TANC2: variants seen among roughly 807,000 people sequenced by gnomAD.
TANC2 encodes protein TANC2.
TANC2 carries 26 observed loss-of-function variants against 210.5 expected under a neutral mutation model. The observed-to-expected ratio is 0.12, with a 90% CI of 0.09 to 0.17. The LOEUF is 0.17. TANC2 is among the 10% of genes least tolerant of loss of function. The pLI is 1.00. For missense variants in TANC2, 2,129 were observed against 2,608.9 expected, an observed-to-expected ratio of 0.82 and a Z score of 4.01; for synonymous variants, 931 against 967.1, an observed-to-expected ratio of 0.96 and a Z score of 0.69.
intron 18 of TANC2, 170 bp downstream of exon 18, chr17:63,396,098 C>A: frequency 1.6e-6 from 1 of 625,812 alleles, no homozygotes; most frequent in Non-Finnish European, 2.7e-6. Flanking sequence ...TACTCAAATG[C>A]CAAAGTCCCT....
chr17:63,063,541 T>C (rs1008025487), intron 2 of TANC2, among the ~76,000 whole-genome samples: 2 of 90,874 alleles, frequency 2.2e-5, no homozygotes, highest in African/African-American at 1.6e-4. Flanking sequence ...CGTGTGTGTG[T>C]GTGTGTGTGT....
chr17:62,970,912 TATAAA>T (rs1437432999), intron 1 of TANC2, among the ~76,000 whole-genome samples: 1 of 152,192 alleles, frequency 6.6e-6, no homozygotes, highest in East Asian at 1.9e-4. Flanking sequence ...CACCAAATAT[TATAAA>T]ATAGTTTGGA....
chr17:63,046,263 G>A (rs1379401604), intron 2 of TANC2, among the ~76,000 whole-genome samples: 3 of 146,414 alleles, frequency 2.0e-5, no homozygotes, highest in Non-Finnish European at 4.5e-5. Flanking sequence ...GGGTTTAAGC[G>A]ATTCTCCTGC....
intron 1 of TANC2, among the ~76,000 whole-genome samples, chr17:62,974,721 A>G (rs1254119433): frequency 6.6e-6 from 1 of 152,226 alleles, no homozygotes; most frequent in East Asian, 1.9e-4. Flanking sequence ...CATATGTACC[A>G]TACTATTAAT....
At chr17:63,131,148 C>G (rs1262720655) in intron 4 of TANC2, among the ~76,000 whole-genome samples, 2 of 152,182 alleles carry the variant, frequency 1.3e-5, no homozygotes, top group Non-Finnish European at 2.9e-5. Context: ...AAGCAAATTA[C>G]TGTGGACTGT....
chr17:62,984,779 C>A (rs1001774695), intron 1 of TANC2, among the ~76,000 whole-genome samples: 2 of 151,900 alleles, frequency 1.3e-5, no homozygotes, highest in Non-Finnish European at 1.5e-5. Context: ...GAATGTTGCT[C>A]TTGTAATTTT....
chr17:63,416,189 AG>A (rs1490123684), intron 26 of TANC2, among the ~76,000 whole-genome samples: 1 of 152,024 alleles, frequency 6.6e-6, no homozygotes, highest in Non-Finnish European at 1.5e-5. Context: ...TTCTTGTCCT[AG>A]GGGGAATCTC....
intron 6 of TANC2, 116 bp downstream of exon 6, chr17:63,194,255 A>C: frequency 9.2e-7 from 1 of 1,083,204 alleles, no homozygotes; most frequent in South Asian, 2.1e-5. Flanking sequence ...ACTTTCCATA[A>C]TCACTATTAT....
At chr17:63,424,328 G>A (rs1167851654) in exon 28 of TANC2, 2 of 152,236 alleles carry the variant, frequency 1.3e-5, no homozygotes, top group Admixed American at 6.5e-5. Flanking sequence ...TCATAAGAGG[G>A]AGTAGGTATC....
intron 9 of TANC2, among the ~76,000 whole-genome samples, chr17:63,275,390 C>A (rs75491302): frequency 6.6e-6 from 1 of 152,004 alleles, no homozygotes; most frequent in East Asian, 1.9e-4. Flanking sequence ...TGAAATTGGC[C>A]CTGCCACAGT....
chr17:63,421,425 G>C lies in TANC2; in HGVS notation c.5695G>C (p.Ala1899Pro), dbSNP rs781268379. 1.1e-5 allele frequency: 18 copies of C among 1,613,944 alleles called. No individual in the cohort carries two copies. Among genetic ancestry groups the C allele is most frequent in the Non-Finnish European group, 1.4e-5 (17 of 1,179,892 alleles). The change falls in exon 28 of 28, where the codon GCA becomes CCA. Residue 1899 changes from alanine to proline, a missense_variant. By Grantham distance (27) the Ala-to-Pro change is conservative. Transcript: ENST00000689528. The surrounding 1 kb of genome is among the most constrained non-coding windows in gnomAD (Gnocchi z 6.9). ...GCAAATGGAGATCCCACTGAAACCT[G>C]CATATGAGAGGTCATGTGACGAGCT... is the stretch of plus-strand genomic sequence containing the variant.
intron 7 of TANC2, among the ~76,000 whole-genome samples, chr17:63,208,368 A>G (rs146179818): frequency 2.6e-5 from 4 of 152,262 alleles, no homozygotes; most frequent in South Asian, 4.1e-4. Context: ...CTTTTATTCA[A>G]TCCATTGGTA....
At chr17:63,392,714 C>T (rs927562876) in intron 17 of TANC2, among the ~76,000 whole-genome samples, 2 of 152,120 alleles carry the variant, frequency 1.3e-5, no homozygotes, top group Admixed American at 6.5e-5. Context: ...AAATGATACA[C>T]GTTTGAGGTG....
At position 62,966,365 on chromosome 17, in the gene TANC2, C is replaced by T. The variant is rs1250348082; in HGVS notation, c.-408C>T. Among the ~76,000 whole-genome samples, 1 of 147,284 alleles carries T rather than the reference C, an allele frequency of 6.8e-6. No individual in the cohort carries two copies. The highest frequency in any genetic ancestry group is 1.5e-5 in the Non-Finnish European group (1 of 66,138). ...AGCTGCGAGCGCTCCGAGCGCCCGG[C>T]CTAGGGCCGCTGGCGCTGCCCTCCC... On this transcript the variant is annotated 5_prime_UTR_variant, in exon 1 of 28. Coordinates refer to ENST00000689528, the Ensembl canonical transcript of TANC2. The surrounding 1 kb of genome is among the most constrained non-coding windows in gnomAD (Gnocchi z 5.1).
intron 3 of TANC2, 55 bp from the exon 4 acceptor site, chr17:63,099,120 T>C (rs1003385017): frequency 3.9e-6 from 6 of 1,527,334 alleles, no homozygotes; most frequent in Non-Finnish European, 5.4e-6. Context: ...TGTATTTTAA[T>C]AGGGAAGGCA....
At chr17:63,266,716 A>G (rs1289749220) in intron 8 of TANC2, among the ~76,000 whole-genome samples, 1 of 152,188 alleles carries the variant, frequency 6.6e-6, no homozygotes, top group East Asian at 1.9e-4. Context: ...ATACTCCCCA[A>G]GTATTTGGTG....
chr17:63,373,988 A>AATT (rs141906417), intron 14 of TANC2, among the ~76,000 whole-genome samples: 14 of 147,476 alleles, frequency 9.5e-5, no homozygotes, highest in Non-Finnish European at 1.8e-4. Context: ...CTCAAAAAAT[A>AATT]ATTATTATTA....
intron 1 of TANC2, among the ~76,000 whole-genome samples, chr17:62,981,768 C>G (rs1463242093): frequency 6.6e-6 from 1 of 152,142 alleles, no homozygotes; most frequent in Non-Finnish European, 1.5e-5. Flanking sequence ...TCTTGCTACT[C>G]CCTCACGTTT....
chr17:63,156,405 G>A (rs1285234541), intron 5 of TANC2, among the ~76,000 whole-genome samples: 1 of 147,240 alleles, frequency 6.8e-6, no homozygotes, highest in African/African-American at 2.5e-5. Context: ...AAATGCTATT[G>A]TAAAGGTTGA....
Sources: allele counts gnomAD v4.1 joint callset (sites outside exome capture counted in the v4.1 genomes callset), GRCh38; gene constraint gnomAD v4.1.1; non-coding constraint Gnocchi (gnomAD v3.1); transcripts MANE v1.5; gene names NCBI Gene and HGNC (gene_info 2026-07-23, HGNC 2026-07-21).